Variants in FER1L6 observed in about 807,000 individuals in gnomAD.
The protein encoded by FER1L6 is fer-1 like family member 6.
In FER1L6, 177 loss-of-function variants were observed where a neutral mutation model predicts 219.2. That is an observed-to-expected ratio of 0.81 (90% CI 0.71 to 0.91). The LOEUF is 0.91. FER1L6 is among the 40% of genes least tolerant of loss of function. FER1L6 has a pLI of 0.00. For missense variants in FER1L6, 2,153 were observed against 2,259.9 expected, an observed-to-expected ratio of 0.95 and a Z score of 0.96; for synonymous variants, 768 against 824.3, an observed-to-expected ratio of 0.93 and a Z score of 1.17.
rs769427178 is a variant in FER1L6 at position 124,023,559 on chromosome 8, G to A, written c.2249G>A (p.Gly750Asp). The change falls in exon 18 of 41, where the codon GGC (glycine) becomes GAC (aspartate). Residue 750 changes from glycine to aspartate, a missense_variant. Transcript: ENST00000522917. ...TATTCCCCTGTCGCGGGGCAGATGG[G>A]CAAACACTGCGGCAAGATCAAAACT... is the stretch of plus-strand genomic sequence containing the variant. ...LLYSPVAGQM[G>D]KHCGKIKTHF... The A allele has an allele frequency of 4.3e-6, 7 of 1,614,108 alleles. No homozygotes were observed. Among genetic ancestry groups the A allele is most frequent in the South Asian group, 1.1e-5 (1 of 91,076 alleles).
At chr8:124,098,939 TA>T (rs1263253607) in intron 37 of FER1L6, among the ~76,000 whole-genome samples, 1 of 152,228 alleles carries the variant, frequency 6.6e-6, no homozygotes, top group Admixed American at 6.5e-5. Context: ...TCTTATGTTT[TA>T]AAAAATTAGT....
At position 124,109,523 on chromosome 8, in the gene FER1L6, C is replaced by T. The variant is rs1822926197; in HGVS notation, c.5289+6214C>T. ...TAGAAAATGATTTGGGGCTGCTTTT[C>T]GTTAAAGAGAAAGGCCTTACCGAGG... On this transcript the variant is annotated intron_variant, in intron 39 of 40. Coordinates refer to ENST00000522917, the MANE Select transcript of FER1L6 (RefSeq NM_001039112.2). Among the ~76,000 whole-genome samples the T allele has an allele frequency of 3.3e-5, 5 of 152,112 alleles. No individual in the cohort carries two copies. The South Asian group carries it at 1.0e-3, about 32-fold the overall frequency.
chr8:123,900,300 C>G, intron 1 of FER1L6, among the ~76,000 whole-genome samples: 1 of 151,940 alleles, frequency 6.6e-6, no homozygotes, highest in Non-Finnish European at 1.5e-5. Context: ...TCTGCTTGGT[C>G]GCTGTTGGTG....
intron 6 of FER1L6, among the ~76,000 whole-genome samples, chr8:123,970,328 G>A (rs1289919628): frequency 6.6e-6 from 1 of 152,200 alleles, no homozygotes. Context: ...GTAAGCTATG[G>A]TAAAGCTATT....
chr8:123,994,314 C>A (rs949593954), intron 12 of FER1L6, among the ~76,000 whole-genome samples: 52 of 152,284 alleles, frequency 3.4e-4, no homozygotes, highest in African/African-American at 1.2e-3. Context: ...CAAGTCCATG[C>A]TCTGGCTCTT....
chr8:124,080,689 G>A (rs945449400), intron 32 of FER1L6, among the ~76,000 whole-genome samples: 87 of 152,138 alleles, frequency 5.7e-4, no homozygotes, highest in African/African-American at 2.0e-3. Context: ...CCCACAGCTT[G>A]GGGAGATGGG....
At chr8:124,071,992 C>T (rs1161532641) in intron 31 of FER1L6, among the ~76,000 whole-genome samples, 1 of 152,170 alleles carries the variant, frequency 6.6e-6, no homozygotes, top group Non-Finnish European at 1.5e-5. Context: ...GCTGTGTCTC[C>T]AACTACAGTC....
intron 1 of FER1L6, among the ~76,000 whole-genome samples, chr8:123,954,156 C>A (rs1331433204): frequency 6.6e-6 from 1 of 152,188 alleles, no homozygotes. Flanking sequence ...CAGGGAGGTA[C>A]TGGACTTGCC....
At chr8:124,036,320 A>G (rs1819206150) in intron 19 of FER1L6, 1 of 152,180 alleles carries the variant, frequency 6.6e-6, no homozygotes, top group Non-Finnish European at 1.5e-5. Context: ...GGAAATACAT[A>G]TCCAATGGTT....
chr8:124,055,688 T>G (rs1043848368), intron 22 of FER1L6, among the ~76,000 whole-genome samples: 2 of 152,150 alleles, frequency 1.3e-5, no homozygotes, highest in Non-Finnish European at 2.9e-5. Flanking sequence ...TAGAATGTTT[T>G]GCTTCCTGTG....
intron 6 of FER1L6, among the ~76,000 whole-genome samples, chr8:123,970,644 T>A (rs1435273879): frequency 6.6e-6 from 1 of 152,122 alleles, no homozygotes; most frequent in African/African-American, 2.4e-5. Context: ...TGCCTCTGAG[T>A]GTAGACCTCA....
At position 123,856,547 on chromosome 8, in the gene FER1L6, C is replaced by T. The variant is rs189273251; in HGVS notation, c.-8+4362C>T. Among the ~76,000 whole-genome samples the T allele has an allele frequency of 2.5e-3, 381 of 151,368 alleles. 3 individuals carry two copies. The highest frequency in any genetic ancestry group is 8.9e-3 in the African/African-American group (366 of 41,194). Reference sequence around the variant, plus strand: ...CCTCATCTGCAAAATGAAGTTAATGCGATTGTTTACTTGGTGTGGTGGTGT... The same window carrying T: ...CCTCATCTGCAAAATGAAGTTAATGTGATTGTTTACTTGGTGTGGTGGTGT... On this transcript the variant is annotated intron_variant, in intron 1 of 40. Transcript: ENST00000522917.
chr8:124,089,285 G>GT (rs1821917748), intron 33 of FER1L6, among the ~76,000 whole-genome samples: 1 of 152,098 alleles, frequency 6.6e-6, no homozygotes, highest in Admixed American at 6.6e-5. Flanking sequence ...GCTGTGACAG[G>GT]GTAGCACTGA....
rs557353862 is a variant in FER1L6, at chr8:123,865,634, T to C, written c.-8+13449T>C. ...ACCGCTGTGCTAGCAATCAGCGAGA[T>C]TCCGTGGGCGTAGGACCCTCCGAGC... On this transcript the variant is annotated intron_variant, in intron 1 of 40. Coordinates refer to ENST00000522917, the MANE Select transcript of FER1L6 (RefSeq NM_001039112.2). 2.1e-3 allele frequency among the ~76,000 whole-genome samples: 318 copies of C among 151,274 alleles called. 2 individuals carry two copies. Among genetic ancestry groups the C allele is most frequent in the Non-Finnish European group, 3.3e-3 (224 of 68,010 alleles).
intron 1 of FER1L6, among the ~76,000 whole-genome samples, chr8:123,947,783 A>G (rs1814570626): frequency 6.6e-6 from 1 of 152,254 alleles, no homozygotes; most frequent in East Asian, 1.9e-4. Flanking sequence ...GTGCTAGTGG[A>G]GTCCAGAGGA....
At chr8:124,033,672 A>T (rs192561239) in intron 18 of FER1L6, among the ~76,000 whole-genome samples, 4 of 152,334 alleles carry the variant, frequency 2.6e-5, no homozygotes, top group Admixed American at 1.3e-4. Flanking sequence ...CCTGGCACAG[A>T]GTAAGCACTT....
At chr8:123,949,998 C>T (rs1264577176) in intron 1 of FER1L6, among the ~76,000 whole-genome samples, 1 of 152,134 alleles carries the variant, frequency 6.6e-6, no homozygotes, top group Admixed American at 6.5e-5. Context: ...GGTCTGTAGT[C>T]TATGTTTGGC....
rs149378808 is a variant in FER1L6 at position 123,885,666 on chromosome 8, G to A, written c.-8+33481G>A. On this transcript the variant is annotated intron_variant, in intron 1 of 40. Transcript: ENST00000522917. ...AATGTCACACAGTAAGAGGCAGAGC[G>A]GGCTTTGGAGCCAGACAGCTGTGGT... is the stretch of plus-strand genomic sequence containing the variant. Among the ~76,000 whole-genome samples, 322 of 152,328 alleles carry A rather than the reference G, an allele frequency of 2.1e-3. 1 individual carries two copies. The Middle Eastern group carries it at 0.031, about 14-fold the overall frequency.
At chr8:124,022,466 A>G (rs1818496752) in intron 17 of FER1L6, among the ~76,000 whole-genome samples, 1 of 152,242 alleles carries the variant, frequency 6.6e-6, no homozygotes, top group African/African-American at 2.4e-5. Context: ...TCAAACACCC[A>G]TAACATAATG....
Sources: allele counts gnomAD v4.1 joint callset (sites outside exome capture counted in the v4.1 genomes callset), GRCh38; gene constraint gnomAD v4.1.1; transcripts MANE v1.5; gene names NCBI Gene and HGNC (gene_info 2026-07-23, HGNC 2026-07-21).